Variants in ADCY2 observed in about 807,000 individuals in gnomAD.
ADCY2 encodes the protein adenylate cyclase type 2.
Under a neutral mutation model 125.2 loss-of-function variants are expected in ADCY2, and 31 were observed. The ratio of observed to expected loss-of-function variants is 0.25; its 90% CI spans 0.19 to 0.33. The LOEUF is 0.33. ADCY2 is among the 10% of genes least tolerant of loss of function. The pLI is 1.00. For missense variants in ADCY2, 904 were observed against 1,418.2 expected (o/e 0.64, Z 5.82); for synonymous variants, 512 against 548.4 (o/e 0.93, Z 0.93).
chr5:7,493,874 CT>C (rs1743254041), intron 2 of ADCY2, among the ~76,000 whole-genome samples: 1 of 152,104 alleles, frequency 6.6e-6, no homozygotes, highest in African/African-American at 2.4e-5. Context: ...AGAAAGGAAA[CT>C]GAGTCAAATA....
At chr5:7,496,113 C>T (rs1211787412) in intron 2 of ADCY2, among the ~76,000 whole-genome samples, 1 of 152,046 alleles carries the variant, frequency 6.6e-6, no homozygotes, top group Non-Finnish European at 1.5e-5. Context: ...TATGATTTTT[C>T]ATTAAATATT....
chr5:7,626,896 T>C (rs1186030260), intron 4 of ADCY2, among the ~76,000 whole-genome samples: 1 of 152,020 alleles, frequency 6.6e-6, no homozygotes, highest in African/African-American at 2.4e-5. Context: ...AGAGTTATGA[T>C]CAAAAGAGCA....
At chr5:7,653,397 T>TA (rs1347237592) in intron 4 of ADCY2, among the ~76,000 whole-genome samples, 1 of 151,926 alleles carries the variant, frequency 6.6e-6, no homozygotes, top group Non-Finnish European at 1.5e-5. Flanking sequence ...ACTAAATGAG[T>TA]AAAAAACGTG....
At chr5:7,557,054 A>C (rs1367234006) in intron 3 of ADCY2, among the ~76,000 whole-genome samples, 1 of 151,900 alleles carries the variant, frequency 6.6e-6, no homozygotes, top group African/African-American at 2.4e-5. Context: ...GTAAAGAAAC[A>C]ATCAGGACCA....
At chr5:7,419,549 C>G (rs1412436226) in intron 2 of ADCY2, among the ~76,000 whole-genome samples, 3 of 152,194 alleles carry the variant, frequency 2.0e-5, no homozygotes, top group Non-Finnish European at 2.9e-5. Flanking sequence ...TAGTCTCCAG[C>G]CTTCCGAAGG....
chr5:7,433,914 A>G (rs1267700580), intron 2 of ADCY2, among the ~76,000 whole-genome samples: 2 of 152,198 alleles, frequency 1.3e-5, no homozygotes, highest in Non-Finnish European at 2.9e-5. Flanking sequence ...CTGTCATGTC[A>G]TGTCTTCATG....
Position 7,571,060 on chromosome 5 carries a change from A to G in ADCY2, c.570+50161A>G, listed in dbSNP as rs186093098. On this transcript the variant is annotated intron_variant, in intron 3 of 24. Coordinates refer to ENST00000338316, the MANE Select transcript of ADCY2 (RefSeq NM_020546.3). ...ACTTACACTTTGGTAAATATATGCT[A>G]TGGGAATTTTTTTTGGTATGGAATC... Among the ~76,000 whole-genome samples the G allele has an allele frequency of 3.9e-5, 6 of 152,102 alleles. No individual in the cohort carries two copies. The East Asian group carries it at 1.2e-3, about 29-fold the overall frequency.
intron 3 of ADCY2, among the ~76,000 whole-genome samples, chr5:7,589,524 G>GAAGAAAAGAA (rs1554022167): frequency 1.5e-5 from 1 of 67,868 alleles, no homozygotes; most frequent in Non-Finnish European, 3.4e-5. Flanking sequence ...AGAAAAGAAA[G>GAAGAAAAGAA]AGAAAGAAAG....
At chr5:7,578,021 A>G (rs1170008174) in intron 3 of ADCY2, among the ~76,000 whole-genome samples, 1 of 152,240 alleles carries the variant, frequency 6.6e-6, no homozygotes, top group Admixed American at 6.5e-5. Context: ...TGTGTCTGTC[A>G]TAGGCATCCT....
intron 2 of ADCY2, among the ~76,000 whole-genome samples, chr5:7,446,271 A>C (rs1463076783): frequency 1.3e-5 from 2 of 152,214 alleles, no homozygotes; most frequent in Non-Finnish European, 2.9e-5. Context: ...ATCTTCAACT[A>C]TATTTAAGAA....
intron 3 of ADCY2, among the ~76,000 whole-genome samples, chr5:7,624,186 A>G (rs1278516492): frequency 6.6e-6 from 1 of 152,110 alleles, no homozygotes; most frequent in Non-Finnish European, 1.5e-5. Flanking sequence ...TTTTCTCTGT[A>G]TCCCAAACAT....
intron 16 of ADCY2, among the ~76,000 whole-genome samples, chr5:7,761,770 G>T (rs1223015498): frequency 6.6e-6 from 1 of 152,166 alleles, no homozygotes; most frequent in Non-Finnish European, 1.5e-5. Flanking sequence ...AGCATAATTA[G>T]TCATGATTGA....
chr5:7,739,857 G>C (rs1252044290), intron 14 of ADCY2, among the ~76,000 whole-genome samples: 1 of 151,902 alleles, frequency 6.6e-6, no homozygotes, highest in Non-Finnish European at 1.5e-5. Context: ...TTTACCAAAA[G>C]CTGAAACAAA....
chr5:7,810,165 T>TA (rs915512934), intron 22 of ADCY2, among the ~76,000 whole-genome samples: 60 of 152,294 alleles, frequency 3.9e-4, no homozygotes, highest in African/African-American at 1.3e-3. Context: ...TGCTTTTTTT[T>TA]AAAAAGGATA....
intron 15 of ADCY2, among the ~76,000 whole-genome samples, chr5:7,755,810 T>A (rs1443280514): frequency 6.6e-6 from 1 of 152,202 alleles, no homozygotes; most frequent in Non-Finnish European, 1.5e-5. Flanking sequence ...CATACAGCAA[T>A]GCTTAGGGCA....
chr5:7,771,897 T>G (rs1743566888), intron 17 of ADCY2, among the ~76,000 whole-genome samples: 1 of 152,208 alleles, frequency 6.6e-6, no homozygotes, highest in South Asian at 2.1e-4. Context: ...GTCTTAATTT[T>G]TTTGAGTGTT....
Position 7,626,207 on chromosome 5 carries a change from C to T in ADCY2, c.611C>T (p.Ala204Val), listed in dbSNP as rs188113151. The change falls in exon 4 of 25, where the codon GCG becomes GTG. Residue 204 changes from alanine (A) to valine (V), a missense_variant. Coordinates refer to ENST00000338316, the MANE Select transcript of ADCY2 (RefSeq NM_020546.3). ...ATCATTTTCATCTGTGGGAACCTGG[C>T]GGGAGCCTACCATAAGCACCTCATG... Reference protein sequence around the residue: ...NVIIFICGNLAGAYHKHLMEL... With the variant: ...NVIIFICGNLVGAYHKHLMEL... The T allele has an allele frequency of 6.2e-6, 10 of 1,614,024 alleles. No individual in the cohort carries two copies. Among genetic ancestry groups the T allele is most frequent in the Admixed American group, 3.3e-5 (2 of 60,010 alleles).
At chr5:7,514,149 G>A (rs984522067) in intron 2 of ADCY2, among the ~76,000 whole-genome samples, 2 of 152,096 alleles carry the variant, frequency 1.3e-5, no homozygotes, top group African/African-American at 4.8e-5. Flanking sequence ...TGGCATATTT[G>A]GGAATATTTT....
rs1165150668 is a variant in ADCY2, at chr5:7,740,124, C to T, written c.1872-3544C>T. 3.3e-5 allele frequency among the ~76,000 whole-genome samples: 5 copies of T among 151,464 alleles called. No homozygotes were observed. In the East Asian group the frequency reaches 5.8e-4, roughly 18 times the overall value. On this transcript the variant is annotated intron_variant, in intron 14 of 24. Transcript: ENST00000338316. ...CTACACCACGTGTAGGAGATCTAGC[C>T]GAAATAAAATGAGAAAGGTTGGAAA...
Sources: allele counts gnomAD v4.1 joint callset (sites outside exome capture counted in the v4.1 genomes callset), GRCh38; gene constraint gnomAD v4.1.1; transcripts MANE v1.5; gene names NCBI Gene and HGNC (gene_info 2026-07-23, HGNC 2026-07-21).